ARK2C: variants seen among roughly 807,000 people sequenced by gnomAD.
ARK2C encodes the protein arkadia (RNF111) C-terminal like ring finger ubiquitin ligase 2C.
At chr18:46,365,201 G>A in the ARK2C span, among the ~76,000 whole-genome samples, 1 of 152,204 alleles carries the variant, frequency 6.6e-6, no homozygotes, top group African/African-American at 2.4e-5. Context: ...AGGGGAGGGG[G>A]TATGGATGGC....
chr18:46,400,349 A>G, the ARK2C span, among the ~76,000 whole-genome samples: 17,521 of 152,242 alleles, frequency 0.12, 1,334 homozygotes, highest in Non-Finnish European at 0.17. Context: ...TCCCCGGAAC[A>G]GGGATTGGAC....
At chr18:46,359,085 A>T in the ARK2C span, among the ~76,000 whole-genome samples, 88 of 152,162 alleles carry the variant, frequency 5.8e-4, no homozygotes, top group Admixed American at 1.3e-3. Context: ...GTAAAAGGAG[A>T]GGCAGTAACA....
chr18:46,440,342 CTATTT>C, the ARK2C span, among the ~76,000 whole-genome samples: 8 of 151,988 alleles, frequency 5.3e-5, no homozygotes, highest in Admixed American at 6.6e-5. Flanking sequence ...TATAATTGTT[CTATTT>C]TGTTATTGGT....
At chr18:46,418,664 A>G in the ARK2C span, among the ~76,000 whole-genome samples, 1 of 152,264 alleles carries the variant, frequency 6.6e-6, no homozygotes, top group Admixed American at 6.5e-5. Context: ...AATGTCTCAC[A>G]TGTAGAAGGC....
the ARK2C span, among the ~76,000 whole-genome samples, chr18:46,442,080 G>A: frequency 5.3e-5 from 8 of 149,950 alleles, no homozygotes; most frequent in African/African-American, 1.7e-4. Flanking sequence ...GGAGAATGGC[G>A]TGAACCCGGG....
chr18:46,439,932 G>A, the ARK2C span, among the ~76,000 whole-genome samples: 9 of 152,296 alleles, frequency 5.9e-5, no homozygotes, highest in East Asian at 1.5e-3. Context: ...CCAGGTTCAA[G>A]CGATTCTCCT....
At chr18:46,407,427 CATT>C in the ARK2C span, among the ~76,000 whole-genome samples, 1 of 152,150 alleles carries the variant, frequency 6.6e-6, no homozygotes, top group South Asian at 2.1e-4. Context: ...TCGTCATCAT[CATT>C]ATTATTATGT....
At chr18:46,441,980 C>T in the ARK2C span, among the ~76,000 whole-genome samples, 1 of 149,718 alleles carries the variant, frequency 6.7e-6, no homozygotes, top group Non-Finnish European at 1.5e-5. Flanking sequence ...CTGGCTGACA[C>T]GGTGAAACCC....
chr18:46,434,037 A>G, the ARK2C span, among the ~76,000 whole-genome samples: 1 of 152,216 alleles, frequency 6.6e-6, no homozygotes, highest in Non-Finnish European at 1.5e-5. Context: ...CGGTCTAGAT[A>G]GAGTCCGGCT....
At chr18:46,435,510 T>G in the ARK2C span, 5 of 810,382 alleles carry the variant, frequency 6.2e-6, no homozygotes, top group Non-Finnish European at 1.0e-5. Flanking sequence ...GGAGGCCTAG[T>G]TCTCAGGCCC....
the ARK2C span, chr18:46,460,496 T>C: frequency 6.6e-6 from 1 of 152,510 alleles, no homozygotes; most frequent in Non-Finnish European, 1.5e-5. Context: ...CGTGGGTTCT[T>C]ATTTAATTAT....
the ARK2C span, among the ~76,000 whole-genome samples, chr18:46,380,903 G>C: frequency 6.6e-6 from 1 of 152,192 alleles, no homozygotes; most frequent in East Asian, 1.9e-4. Flanking sequence ...GGAAGGCCAG[G>C]GACAGAGGAA....
At chr18:46,432,900 G>A in the ARK2C span, among the ~76,000 whole-genome samples, 5 of 152,264 alleles carry the variant, frequency 3.3e-5, no homozygotes, top group South Asian at 2.1e-4. Context: ...AGCCGAGATC[G>A]CGCCACTGCA....
the ARK2C span, among the ~76,000 whole-genome samples, chr18:46,409,848 C>T: frequency 5.3e-5 from 8 of 152,180 alleles, no homozygotes; most frequent in African/African-American, 1.9e-4. Flanking sequence ...TGCATGTTCT[C>T]CTATTGATGG....
the ARK2C span, among the ~76,000 whole-genome samples, chr18:46,391,592 C>T: frequency 6.6e-6 from 1 of 152,018 alleles, no homozygotes; most frequent in South Asian, 2.1e-4. Flanking sequence ...GTAGTTTGCA[C>T]AGCCAGGCTT....
the ARK2C span, among the ~76,000 whole-genome samples, chr18:46,441,978 C>G: frequency 6.6e-6 from 1 of 150,950 alleles, no homozygotes; most frequent in African/African-American, 2.4e-5. Flanking sequence ...TCCTGGCTGA[C>G]ACGGTGAAAC....
the ARK2C span, among the ~76,000 whole-genome samples, chr18:46,404,976 C>T: frequency 6.6e-6 from 1 of 152,258 alleles, no homozygotes; most frequent in Non-Finnish European, 1.5e-5. Flanking sequence ...CTCCGTTTGG[C>T]TCCAAAGTCT....
chr18:46,336,591 TTA>T, the ARK2C span: 1 of 985,318 alleles, frequency 1.0e-6, no homozygotes, highest in Non-Finnish European at 1.2e-6. Flanking sequence ...TGTAAAACTA[TTA>T]GAGAGTTTGC....
At chr18:46,362,175 C>T in the ARK2C span, among the ~76,000 whole-genome samples, 2 of 152,246 alleles carry the variant, frequency 1.3e-5, no homozygotes, top group Non-Finnish European at 2.9e-5. Flanking sequence ...CAGTCGCTGT[C>T]CCCTCCAAGG....
Sources: allele counts gnomAD v4.1 joint callset (sites outside exome capture counted in the v4.1 genomes callset), GRCh38; gene constraint gnomAD v4.1.1; transcripts MANE v1.5; gene names NCBI Gene and HGNC (gene_info 2026-07-23, HGNC 2026-07-21).